CSF3R: variants seen among roughly 807,000 people sequenced by gnomAD.
CSF3R encodes the protein colony stimulating factor 3 receptor, also known as granulocyte colony-stimulating factor receptor.
A neutral mutation model predicts 84.4 loss-of-function variants in CSF3R; 52 were observed. The ratio of observed to expected loss-of-function variants is 0.62; its 90% CI spans 0.49 to 0.78. The LOEUF (loss-of-function observed/expected upper bound fraction) is 0.78. Ranked by LOEUF, CSF3R falls within the 30% of genes least tolerant of loss-of-function variation. The pLI is 0.00. For missense variants in CSF3R, 890 were observed against 1,055.7 expected (o/e 0.84, Z 2.17); for synonymous variants, 384 against 429.1 (o/e 0.89, Z 1.30).
At position 36,472,859 on chromosome 1, in the gene CSF3R, C is replaced by T; in HGVS notation, c.674-173G>A. 1 of 805,324 alleles carries T rather than the reference C, an allele frequency of 1.2e-6. No individual in the cohort carries two copies. Among genetic ancestry groups the T allele is most frequent in the Non-Finnish European group, 1.9e-6 (1 of 531,624 alleles). The allele number at this position is 805,324 out of a possible 1,614,324, so 49.9% of individuals were successfully genotyped here. On this transcript the variant is annotated intron_variant, in intron 6 of 16. Coordinates refer to ENST00000373106, the MANE Select transcript of CSF3R (RefSeq NM_000760.4). This position sits in a 1 kb window ranked among gnomAD's most constrained non-coding sequence, Gnocchi z 5.0. ...TTCTCTCTAGGTCTCTGTTTCCGCTCTTGCCCCAGGGCCTTTGCACTGGTT... is the reference window on the plus strand; with the variant it reads ...TTCTCTCTAGGTCTCTGTTTCCGCTTTTGCCCCAGGGCCTTTGCACTGGTT...
intron 3 of CSF3R, 41 bp from the exon 4 acceptor site, chr1:36,475,714 T>C: frequency 6.3e-7 from 1 of 1,579,448 alleles, no homozygotes; most frequent in South Asian, 1.1e-5. Context: ...CGCCTCTGCC[T>C]AGCAGAGCTG....
At position 36,472,056 on chromosome 1, in the gene CSF3R, A is replaced by C. The variant is rs773829292; in HGVS notation, c.1071+10T>G. The C allele has an allele frequency of 1.9e-6, 3 of 1,612,892 alleles. No individual in the cohort carries two copies. The highest frequency in any genetic ancestry group is 1.7e-5 in the Admixed American group (1 of 60,012). On this transcript the variant is annotated intron_variant, in intron 9 of 16. Transcript: ENST00000373106. The surrounding 1 kb of genome is among the most constrained non-coding windows in gnomAD (Gnocchi z 5.0). ...GTCGAGGTGGAGGGATGGCCTTCAG[A>C]GGGAGTCACCTTCCAGAACAGCTGC...
At position 36,473,562 on chromosome 1, in the gene CSF3R, C is replaced by A; in HGVS notation, c.546G>T (p.Gly182=). The A allele has an allele frequency of 6.2e-7, 1 of 1,614,148 alleles. No individual in the cohort carries two copies. The highest frequency in any genetic ancestry group is 8.5e-7 in the Non-Finnish European group (1 of 1,180,048). Residue 182 remains glycine, a synonymous_variant, in exon 6 of 17, where the codon GGG becomes GGT. Transcript: ENST00000373106. ...DSILDCVPKD[G]QSHCCIPRKH... is the part of the protein sequence containing the mutation. ...TGCGTGGGATGCAGCAGTGGCTCTGCCCGTCCTTGGGCACGCAGTCCAGGA... is the reference window on the plus strand; with the variant it reads ...TGCGTGGGATGCAGCAGTGGCTCTGACCGTCCTTGGGCACGCAGTCCAGGA...
chr1:36,468,242 G>C, intron 12 of CSF3R, 21 bp from the exon 13 acceptor site: 1 of 1,555,780 alleles, frequency 6.4e-7, no homozygotes, highest in East Asian at 2.2e-5. Context: ...AGAGAGGTGC[G>C]GGGGCTGAAG....
intron 10 of CSF3R, 126 bp downstream of exon 10, chr1:36,471,307 A>G: frequency 1.0e-6 from 1 of 978,628 alleles, no homozygotes; most frequent in Admixed American, 1.7e-5. Flanking sequence ...TCGGCCTCCC[A>G]AAGTGCTGGG....
intron 4 of CSF3R, 71 bp downstream of exon 4, chr1:36,475,306 T>C: frequency 6.3e-7 from 1 of 1,587,440 alleles, no homozygotes; most frequent in Admixed American, 1.7e-5. Flanking sequence ...CGTGCCCGGC[T>C]GGTAATATTC....
chr1:36,471,595 A>G lies in CSF3R; in HGVS notation c.1123T>C (p.Trp375Arg), dbSNP rs1650740256. 7.4e-6 allele frequency: 12 copies of G among 1,614,218 alleles called. No individual in the cohort carries two copies. Among genetic ancestry groups the G allele is most frequent in the Non-Finnish European group, 1.0e-5 (12 of 1,180,032 alleles). Reference protein sequence around the residue: ...SGRIQGYVVSWRPSGQAGAIL... With the variant: ...SGRIQGYVVSRRPSGQAGAIL... ...GCCCCAGCCTGGCCTGAGGGTCTCC[A>G]AGAAACCACATAACCTTGGATCCGT... The change falls in exon 10 of 17, where the codon TGG becomes CGG. Residue 375 changes from tryptophan to arginine, a missense_variant. By Grantham distance (101) the Trp-to-Arg change is moderately radical. Transcript: ENST00000373106.
chr1:36,480,094 G>A (rs1245912682), intron 2 of CSF3R: 4 of 178,728 alleles, frequency 2.2e-5, no homozygotes, highest in African/African-American at 9.5e-5. Context: ...GGATGGGAGG[G>A]AAGATGGAAA....
chr1:36,480,268 A>G (rs970564557), intron 2 of CSF3R, among the ~76,000 whole-genome samples: 3 of 152,218 alleles, frequency 2.0e-5, no homozygotes, highest in Non-Finnish European at 4.4e-5. Context: ...GGAGAACTCT[A>G]TGGAGCAGCT....
rs1650291272 is a variant in CSF3R, at chr1:36,466,157, A to C, written c.*200T>G. 6.2e-7 allele frequency: 1 copy of C among 1,614,090 alleles called. No homozygotes were observed. Among genetic ancestry groups the C allele is most frequent in the Admixed American group, 1.7e-5 (1 of 60,008 alleles). ...GCCATTGGGTGGGGCTGGATGGAGC[A>C]TGATCTGGTCCTTAAAGTATGCAGA... On this transcript the variant is annotated 3_prime_UTR_variant, in exon 17 of 17. Transcript: ENST00000373106. This position sits in a 1 kb window ranked among gnomAD's most constrained non-coding sequence, Gnocchi z 4.6.
At chr1:36,474,601 C>T (rs1651005110) in intron 4 of CSF3R, among the ~76,000 whole-genome samples, 1 of 151,984 alleles carries the variant, frequency 6.6e-6, no homozygotes, top group Non-Finnish European at 1.5e-5. Flanking sequence ...AGGTGTGAGC[C>T]ACTGCACCTG....
intron 4 of CSF3R, among the ~76,000 whole-genome samples, chr1:36,474,515 A>G (rs949878527): frequency 1.3e-5 from 2 of 148,304 alleles, no homozygotes; most frequent in Non-Finnish European, 3.0e-5. Context: ...GGGTTTCCCC[A>G]TGTTGGCCAG....
At chr1:36,473,738 G>A in intron 5 of CSF3R, 26 bp downstream of exon 5, 1 of 1,614,204 alleles carries the variant, frequency 6.2e-7, no homozygotes, top group Non-Finnish European at 8.5e-7. Flanking sequence ...CAAAGGGAGG[G>A]GACCAAGGTG....
intron 3 of CSF3R, chr1:36,477,822 G>A (rs1651255142): frequency 6.6e-6 from 1 of 151,706 alleles, no homozygotes; most frequent in African/African-American, 2.4e-5. Flanking sequence ...GCAGTGGCGT[G>A]ATCTCGGCTT....
chr1:36,475,260 G>C (rs1226502135), intron 4 of CSF3R, 117 bp downstream of exon 4: 1 of 1,289,218 alleles, frequency 7.8e-7, no homozygotes, highest in African/African-American at 1.5e-5. Flanking sequence ...GCCTGCCTCG[G>C]CCTCCCAAAG....
chr1:36,471,759 C>G, intron 9 of CSF3R, 113 bp from the exon 10 acceptor site: 1 of 1,046,376 alleles, frequency 9.6e-7, no homozygotes, highest in Non-Finnish European at 1.4e-6. Flanking sequence ...AGGCTGGGGT[C>G]CAGGCTTCTC....
chr1:36,467,706 C>T lies in CSF3R; in HGVS notation c.1865-55G>A. On this transcript the variant is annotated intron_variant, in intron 14 of 16. Coordinates refer to ENST00000373106, the MANE Select transcript of CSF3R (RefSeq NM_000760.4). The surrounding 1 kb of genome is among the most constrained non-coding windows in gnomAD (Gnocchi z 4.1). The stretch of plus-strand genomic sequence containing the variant: ...AGAATGCATGTTGGGAAGGCTGGGT[C>T]TCCTCCCTCCGACCAGGGGATTCAA... The T allele has an allele frequency of 6.2e-7, 1 of 1,611,254 alleles. No homozygotes were observed.
intron 1 of CSF3R, among the ~76,000 whole-genome samples, chr1:36,482,343 G>A (rs921795568): frequency 7.2e-5 from 11 of 151,886 alleles, no homozygotes; most frequent in South Asian, 2.1e-4. Flanking sequence ...CCCGGGAAGC[G>A]TCTGTTACCG....
In CSF3R at chr1:36,466,315, G is replaced by T; in HGVS notation, c.*42C>A. The stretch of plus-strand genomic sequence containing the variant: ...CCTCCCCTCTTCTCCAGCTAGCTCA[G>T]GCCTTTAAGAGGCAGGCCCAAGAAG... On this transcript the variant is annotated 3_prime_UTR_variant, in exon 17 of 17. Transcript: ENST00000373106. The surrounding 1 kb of genome is among the most constrained non-coding windows in gnomAD (Gnocchi z 4.6). 6.2e-7 allele frequency: 1 copy of T among 1,612,006 alleles called. No homozygotes were observed. Among genetic ancestry groups the T allele is most frequent in the Non-Finnish European group, 8.5e-7 (1 of 1,179,718 alleles).
Sources: allele counts gnomAD v4.1 joint callset (sites outside exome capture counted in the v4.1 genomes callset), GRCh38; gene constraint gnomAD v4.1.1; non-coding constraint Gnocchi (gnomAD v3.1); transcripts MANE v1.5; gene names NCBI Gene and HGNC (gene_info 2026-07-23, HGNC 2026-07-21).